The following MED13L variants were observed in gnomAD, a reference collection of about 807,000 sequenced individuals.
The protein encoded by MED13L is mediator of RNA polymerase II transcription subunit 13-like.
Under a neutral mutation model 220.9 loss-of-function variants are expected in MED13L, and 7 were observed. That is an observed-to-expected ratio of 0.03 (90% CI 0.02 to 0.06). The LOEUF (loss-of-function observed/expected upper bound fraction) is 0.06, where lower values mean the gene tolerates loss of function less well. Among genes scored for constraint, MED13L ranks in the 10% least tolerant of loss-of-function variants. The pLI is 1.00. For missense variants in MED13L, 1,965 were observed against 2,760.5 expected (o/e 0.71, Z 6.46); for synonymous variants, 1,011 against 1,015.2 (o/e 1.00, Z 0.08).
rs547246471 is a variant in MED13L at position 116,252,780 on chromosome 12, G to T, written c.73-15075C>A. The stretch of plus-strand genomic sequence containing the variant: ...CTCATTAGACTAATCAAGAGGGAAA[G>T]AACAGACACACTACCAATATCAGGA... On this transcript the variant is annotated intron_variant, in intron 1 of 30. Transcript: ENST00000281928. 1.3e-4 allele frequency among the ~76,000 whole-genome samples: 20 copies of T among 151,718 alleles called. No individual in the cohort carries two copies. In the South Asian group the frequency reaches 2.1e-3, roughly 16 times the overall value.
At chr12:116,235,519 A>T (rs1869999277) in intron 2 of MED13L, among the ~76,000 whole-genome samples, 1 of 152,196 alleles carries the variant, frequency 6.6e-6, no homozygotes, top group South Asian at 2.1e-4. Context: ...TTCTCTCCAT[A>T]TGATGACTGT....
intron 2 of MED13L, among the ~76,000 whole-genome samples, chr12:116,187,047 C>T (rs577874857): frequency 4.5e-4 from 68 of 152,348 alleles, no homozygotes; most frequent in Non-Finnish European, 7.6e-4. Flanking sequence ...ACTCAGGCAG[C>T]TAGCACTTTC....
At chr12:116,215,375 G>C (rs1263025088) in intron 2 of MED13L, among the ~76,000 whole-genome samples, 2 of 152,166 alleles carry the variant, frequency 1.3e-5, no homozygotes, top group Admixed American at 1.3e-4. Flanking sequence ...CACTGTCTAA[G>C]GAATTAAGCC....
At chr12:116,068,463 AG>A (rs1870121853) in intron 4 of MED13L, among the ~76,000 whole-genome samples, 1 of 152,222 alleles carries the variant, frequency 6.6e-6, no homozygotes, top group African/African-American at 2.4e-5. Context: ...TACACTGTTT[AG>A]GATTTCCAAA....
Position 116,066,315 on chromosome 12 carries a change from T to C in MED13L, c.479+30354A>G, listed in dbSNP as rs150225102. On this transcript the variant is annotated intron_variant, in intron 4 of 30. Coordinates refer to ENST00000281928, the MANE Select transcript of MED13L (RefSeq NM_015335.5). ...AGAGTGATACTTCTTTAATGTGGCC[T>C]ATGAGAGAAGAAAACGACTTACTTT... 3.1e-4 allele frequency among the ~76,000 whole-genome samples: 47 copies of C among 152,316 alleles called. 1 individual carries two copies. The East Asian group carries it at 8.1e-3, about 26-fold the overall frequency.
intron 1 of MED13L, among the ~76,000 whole-genome samples, chr12:116,269,047 A>T (rs2138583025): frequency 6.6e-6 from 1 of 152,078 alleles, no homozygotes; most frequent in East Asian, 1.9e-4. Flanking sequence ...CCCATCACCT[A>T]GGTTTTTTGG....
intron 2 of MED13L, among the ~76,000 whole-genome samples, chr12:116,196,646 G>A (rs1881643735): frequency 6.6e-6 from 1 of 152,176 alleles, no homozygotes; most frequent in Non-Finnish European, 1.5e-5. Flanking sequence ...TATTCAATCA[G>A]AAGTATCTTT....
chr12:116,105,148 C>A (rs1346799579), intron 3 of MED13L, among the ~76,000 whole-genome samples: 1 of 151,858 alleles, frequency 6.6e-6, no homozygotes, highest in Non-Finnish European at 1.5e-5. Context: ...ATTTTTTTTC[C>A]CATCGTCTAT....
rs570206546 is a variant in MED13L at position 115,997,301 on chromosome 12, C to T, written c.2570-71G>A. 8.2e-5 allele frequency: 109 copies of T among 1,325,774 alleles called. No individual in the cohort carries two copies. The African/African-American group carries it at 8.5e-4, about 10-fold the overall frequency. The allele number at this position is 1,325,774 out of a possible 1,614,324, so 82.1% of individuals were successfully genotyped here. ...TAAAAAGTCCTAGCTTATAGCCAGGCGCACTCTTTGGCACCAAAAATAGTG... is the reference window on the plus strand; with the variant it reads ...TAAAAAGTCCTAGCTTATAGCCAGGTGCACTCTTTGGCACCAAAAATAGTG... On this transcript the variant is annotated intron_variant, in intron 14 of 30. Coordinates refer to ENST00000281928, the MANE Select transcript of MED13L (RefSeq NM_015335.5).
chr12:116,265,972 C>T (rs574347022), intron 1 of MED13L, among the ~76,000 whole-genome samples: 11 of 152,188 alleles, frequency 7.2e-5, no homozygotes, highest in East Asian at 1.9e-4. Flanking sequence ...AGATATTATG[C>T]GGTCCATGTC....
intron 3 of MED13L, among the ~76,000 whole-genome samples, chr12:116,107,134 C>T (rs1873657606): frequency 6.6e-6 from 1 of 152,056 alleles, no homozygotes; most frequent in African/African-American, 2.4e-5. Context: ...AACTGAGACC[C>T]AAAATATCTC....
At chr12:116,262,306 C>T (rs1358641219) in intron 1 of MED13L, among the ~76,000 whole-genome samples, 1 of 152,106 alleles carries the variant, frequency 6.6e-6, no homozygotes, top group Non-Finnish European at 1.5e-5. Context: ...ACATAACATA[C>T]TAAAACTAGA....
chr12:116,054,060 C>T (rs1191059467), intron 4 of MED13L, among the ~76,000 whole-genome samples: 1 of 152,170 alleles, frequency 6.6e-6, no homozygotes. Flanking sequence ...AAGTCCAAGA[C>T]TTATGCAATG....
intron 2 of MED13L, among the ~76,000 whole-genome samples, chr12:116,219,868 G>T (rs1031302281): frequency 6.6e-6 from 1 of 152,024 alleles, no homozygotes; most frequent in Admixed American, 6.6e-5. Context: ...CATCATCTCG[G>T]CTCACTGCAA....
At chr12:116,063,901 G>C (rs904753126) in intron 4 of MED13L, among the ~76,000 whole-genome samples, 1 of 152,070 alleles carries the variant, frequency 6.6e-6, no homozygotes, top group Non-Finnish European at 1.5e-5. Flanking sequence ...AAAATGGTCT[G>C]GGCTGGGCGC....
chr12:116,224,997 CACCTT>C (rs1868817080), intron 2 of MED13L, among the ~76,000 whole-genome samples: 1 of 152,176 alleles, frequency 6.6e-6, no homozygotes, highest in African/African-American at 2.4e-5. Flanking sequence ...AAGCCCAACA[CACCTT>C]ACATGTATAA....
At chr12:116,172,710 A>C (rs1257710692) in intron 2 of MED13L, among the ~76,000 whole-genome samples, 8 of 152,102 alleles carry the variant, frequency 5.3e-5, no homozygotes, top group Admixed American at 5.2e-4. Context: ...CTTATCTGTC[A>C]ATTTGTGGGA....
intron 4 of MED13L, among the ~76,000 whole-genome samples, chr12:116,046,604 T>TTA (rs1356905331): frequency 6.6e-6 from 1 of 152,212 alleles, no homozygotes; most frequent in Non-Finnish European, 1.5e-5. Context: ...GCAGTGCAAT[T>TTA]TTAGTAGCAG....
At chr12:116,090,585 T>G (rs750377256) in intron 4 of MED13L, among the ~76,000 whole-genome samples, 3 of 152,010 alleles carry the variant, frequency 2.0e-5, no homozygotes, top group Non-Finnish European at 4.4e-5. Context: ...CCAACTTCAC[T>G]TCACTTAGAG....
Sources: gnomAD v4.1 joint callset for allele counts (sites outside exome capture counted in the v4.1 genomes callset) on GRCh38, gnomAD v4.1.1 for gene constraint, MANE v1.5 for transcripts, NCBI Gene and HGNC (gene_info 2026-07-23, HGNC 2026-07-21) for gene names.